GRIP1: variants seen among roughly 807,000 people sequenced by gnomAD.
The protein encoded by GRIP1 is glutamate receptor-interacting protein 1.
GRIP1 carries 45 observed loss-of-function variants against 129.9 expected under a neutral mutation model. That is an observed-to-expected ratio of 0.35 (90% CI 0.27 to 0.44). GRIP1 has a LOEUF of 0.44. Among genes scored for constraint, GRIP1 ranks in the 20% least tolerant of loss-of-function variants. The pLI is 1.00. For synonymous variants in GRIP1, 530 were observed against 520.8 expected (o/e 1.02, Z -0.24); for missense variants, 1,196 against 1,396.8 (o/e 0.86, Z 2.29).
At chr12:66,456,056 G>A (rs2058951590) in intron 10 of GRIP1, 131 bp downstream of exon 10, 1 of 478,480 alleles carries the variant, frequency 2.1e-6, no homozygotes, top group Non-Finnish European at 3.7e-6. Flanking sequence ...CCTAGGAGAT[G>A]TCAGAAATGA....
Position 66,697,480 on chromosome 12 carries a change from A to G in GRIP1, c.-419-67144T>C, listed in dbSNP as rs917921450. 3.3e-5 allele frequency among the ~76,000 whole-genome samples: 5 copies of G among 152,210 alleles called. No homozygotes were observed. In the East Asian group the frequency reaches 9.6e-4, roughly 29 times the overall value. On this transcript the variant is annotated intron_variant, in intron 1 of 4. Coordinates refer to the GRIP1 transcript ENST00000538373. ...TAATATTTCAGTTATCTTCAAACAG[A>G]AGGCAGAATGGGCTAGATAACCATA...
chr12:67,049,965 A>C (rs2043315588), intron 1 of GRIP1, among the ~76,000 whole-genome samples: 1 of 145,926 alleles, frequency 6.9e-6, no homozygotes, highest in Non-Finnish European at 1.5e-5. Flanking sequence ...TGCGTATTTG[A>C]ATTTCTTTTT....
At chr12:66,698,992 C>A (rs1655296462) in intron 1 of GRIP1, among the ~76,000 whole-genome samples, 1 of 152,116 alleles carries the variant, frequency 6.6e-6, no homozygotes, top group African/African-American at 2.4e-5. Flanking sequence ...CAGTAAATGC[C>A]AGCTGTTGCT....
In GRIP1 at chr12:66,444,343, G is replaced by A. The variant is rs557995845; in HGVS notation, c.1687+241C>T. ...CTACTAAAAATACAAAAAATTAGCC[G>A]GGCGCGGTGGCGGGCGCCTGTAGTC... is the stretch of plus-strand genomic sequence containing the variant. On this transcript the variant is annotated intron_variant, in intron 13 of 24. Coordinates refer to ENST00000359742, the MANE Select transcript of GRIP1 (RefSeq NM_001366722.1). Among the ~76,000 whole-genome samples, 22 of 151,222 alleles carry A rather than the reference G, an allele frequency of 1.5e-4. 1 individual carries two copies. Among genetic ancestry groups the A allele is most frequent in the East Asian group, 1.2e-3 (6 of 5,128 alleles).
chr12:66,511,248 T>G (rs7960065), intron 7 of GRIP1, among the ~76,000 whole-genome samples: 74,756 of 151,958 alleles, frequency 0.49, 18,932 homozygotes, highest in African/African-American at 0.62. Flanking sequence ...CTGCCATGAT[T>G]GTGAAGCCTC....
intron 1 of GRIP1, among the ~76,000 whole-genome samples, chr12:66,842,025 C>G (rs1592895367): frequency 6.6e-6 from 1 of 152,110 alleles, no homozygotes. Context: ...TGCCCCTATG[C>G]CCTCCCATTA....
upstream of GRIP1, among the ~76,000 whole-genome samples, chr12:66,806,057 T>C (rs1164653188): frequency 6.6e-6 from 1 of 150,788 alleles, no homozygotes. Flanking sequence ...TAACAAATAA[T>C]GAATGAGAAA....
At chr12:66,820,914 GATACC>G (rs1338545683) in intron 1 of GRIP1, among the ~76,000 whole-genome samples, 2 of 152,044 alleles carry the variant, frequency 1.3e-5, no homozygotes, top group Non-Finnish European at 2.9e-5. Flanking sequence ...TATTCTGTGT[GATACC>G]ATAATGGTGC....
intron 19 of GRIP1, among the ~76,000 whole-genome samples, chr12:66,383,295 TCAAAAA>T (rs1209061452): frequency 1.4e-3 from 146 of 100,914 alleles, no homozygotes; most frequent in African/African-American, 4.5e-3. Context: ...ACACTCTGTC[TCAAAAA>T]CAACAACAAC....
At chr12:66,686,046 G>T (rs1469906032) in intron 1 of GRIP1, among the ~76,000 whole-genome samples, 1 of 152,130 alleles carries the variant, frequency 6.6e-6, no homozygotes, top group Non-Finnish European at 1.5e-5. Context: ...ATGGAAAAGA[G>T]GACGCTCATA....
chr12:66,480,289 C>A (rs1055224978), intron 7 of GRIP1, among the ~76,000 whole-genome samples: 1 of 152,008 alleles, frequency 6.6e-6, no homozygotes, highest in African/African-American at 2.4e-5. Flanking sequence ...AAAGCCAAAT[C>A]ATGAGTGAAC....
rs765643496 is a variant in GRIP1 at position 66,947,670 on chromosome 12, G to A, written c.58+121380C>T. On this transcript the variant is annotated intron_variant, in intron 1 of 1. Coordinates refer to the GRIP1 transcript ENST00000643019. ...ATGCTCTGATTTGATGGCTGCTTCC[G>A]CAATACCATCAACAAGGCATTGTGA... 4.6e-5 allele frequency among the ~76,000 whole-genome samples: 7 copies of A among 152,186 alleles called. No homozygotes were observed. In the South Asian group the frequency reaches 6.2e-4, roughly 13 times the overall value.
intron 1 of GRIP1, among the ~76,000 whole-genome samples, chr12:66,709,087 C>T (rs2035629996): frequency 6.6e-6 from 1 of 151,758 alleles, no homozygotes; most frequent in South Asian, 2.1e-4. Flanking sequence ...ACAGCATTTA[C>T]TATACAGCAA....
At chr12:66,974,433 T>C (rs2042122874) in intron 1 of GRIP1, among the ~76,000 whole-genome samples, 1 of 152,232 alleles carries the variant, frequency 6.6e-6, no homozygotes, top group Admixed American at 6.5e-5. Flanking sequence ...ATAAGCTTCA[T>C]GAAGGCAGGA....
Position 66,451,383 on chromosome 12 carries a change from G to GGTTTTTTTTTT in GRIP1, c.1354+4025_1354+4026insAAAAAAAAAAC, listed in dbSNP as rs1565751885. ...CCCCAAAGATTTATTATTATAATCTGTTTTTTTTTTTTTTTTTTTTTTTTT... is the reference window on the plus strand; with the variant it reads ...CCCCAAAGATTTATTATTATAATCTGGTTTTTTTTTTTTTTTTTTTTTTTTTTTTTTTTTTT... On this transcript the variant is annotated intron_variant, in intron 11 of 24. Transcript: ENST00000359742. 4.7e-5 allele frequency among the ~76,000 whole-genome samples: 2 copies of GGTTTTTTTTTT among 42,650 alleles called. 1 individual carries two copies. 28.0% of individuals were successfully genotyped at this position (42,650 alleles called of 152,430 possible). A position where few individuals can be genotyped will look rare whatever the true frequency, so the allele number is the denominator to read the frequency against.
At chr12:67,026,552 G>C (rs11176539) in intron 1 of GRIP1, among the ~76,000 whole-genome samples, 17,796 of 152,202 alleles carry the variant, frequency 0.12, 1,108 homozygotes, top group Middle Eastern at 0.14. Flanking sequence ...ATAAATGTTA[G>C]CTCCTGTCAT....
intron 1 of GRIP1, among the ~76,000 whole-genome samples, chr12:66,970,931 C>G (rs1412880499): frequency 6.6e-6 from 1 of 152,138 alleles, no homozygotes; most frequent in Non-Finnish European, 1.5e-5. Context: ...TCTGAGCGCA[C>G]TTCAAAGTCA....
chr12:66,907,881 G>A (rs572948861), intron 1 of GRIP1, among the ~76,000 whole-genome samples: 10 of 152,216 alleles, frequency 6.6e-5, no homozygotes, highest in African/African-American at 2.4e-4. Context: ...CTGGAACAAG[G>A]AGAAAGGGTC....
intron 7 of GRIP1, among the ~76,000 whole-genome samples, chr12:66,488,976 T>C (rs1270237221): frequency 6.6e-6 from 1 of 152,162 alleles, no homozygotes; most frequent in East Asian, 1.9e-4. Context: ...TAGTCCGTAA[T>C]AAATAGCCTA....
Sources: gnomAD v4.1 joint callset for allele counts (sites outside exome capture counted in the v4.1 genomes callset) on GRCh38, gnomAD v4.1.1 for gene constraint, MANE v1.5 for transcripts, NCBI Gene and HGNC (gene_info 2026-07-23, HGNC 2026-07-21) for gene names.